TP73: variants seen among roughly 807,000 people sequenced by gnomAD.
TP73 encodes the protein tumor protein p73.
In TP73, 25 loss-of-function variants were observed where a neutral mutation model predicts 62.5. The observed-to-expected ratio is 0.40, with a 90% confidence interval of 0.29 to 0.56. The LOEUF (loss-of-function observed/expected upper bound fraction) is 0.56, where lower values mean the gene tolerates loss of function less well. Among genes scored for constraint, TP73 ranks in the 20% least tolerant of loss-of-function variants. The pLI is 0.46. For missense variants in TP73, 754 were observed against 913.3 expected, an observed-to-expected ratio of 0.83 and a Z score of 2.25; for synonymous variants, 423 against 377.5, an observed-to-expected ratio of 1.12 and a Z score of -1.40.
intron 13 of TP73, among the ~76,000 whole-genome samples, chr1:3,732,092 GGT>G (rs1417571221): frequency 2.0e-5 from 3 of 152,186 alleles, no homozygotes; most frequent in African/African-American, 7.2e-5. Flanking sequence ...AGCCTAGGAC[GGT>G]GTGAACCACA....
chr1:3,727,998 G>C (rs78404711), intron 8 of TP73, 131 bp from the exon 9 acceptor site: 26,280 of 1,192,186 alleles, frequency 0.022, 382 homozygotes, highest in Non-Finnish European at 0.027. Context: ...CGTCCCTGTG[G>C]GTTGCTCACC....
In TP73 at chr1:3,657,590, G is replaced by A. The variant is rs528119641; in HGVS notation, c.-34+4949G>A. 8.7e-4 allele frequency among the ~76,000 whole-genome samples: 132 copies of A among 152,294 alleles called. 1 individual carries two copies. In the South Asian group the frequency reaches 0.014, roughly 16 times the overall value. ...AGTAACTCGTGATCCTGTGTATTTT[G>A]CTTCATGTATTTAAAACATTCTCCC... On this transcript the variant is annotated intron_variant, in intron 1 of 13. Transcript: ENST00000378295.
At chr1:3,656,210 A>G (rs2181484) in intron 1 of TP73, among the ~76,000 whole-genome samples, 114,573 of 151,696 alleles carry the variant, frequency 0.76, 45,691 homozygotes, top group Non-Finnish European at 0.89. Flanking sequence ...GCTCATTGGC[A>G]TTTGAGTGTA....
chr1:3,673,102 G>A lies in TP73; in HGVS notation c.-33-9231G>A, dbSNP rs77741698. ...TGCCCCCGGGCATGGAGCTGGCACC[G>A]GCTGCCGCTGCAACTGGGCACTACC... On this transcript the variant is annotated intron_variant, in intron 1 of 13. Coordinates refer to ENST00000378295, the MANE Select transcript of TP73 (RefSeq NM_005427.4). 2.1e-3 allele frequency among the ~76,000 whole-genome samples: 326 copies of A among 152,348 alleles called. 13 individuals are homozygous for A. The East Asian group carries it at 0.058, about 27-fold the overall frequency.
intron 1 of TP73, among the ~76,000 whole-genome samples, chr1:3,673,690 A>G (rs1645295488): frequency 1.3e-5 from 2 of 152,338 alleles, no homozygotes; most frequent in South Asian, 4.1e-4. Flanking sequence ...GGCAGGAATC[A>G]TGTGTCTTGG....
At position 3,653,835 on chromosome 1, in the gene TP73, C is replaced by T. The variant is rs192434356; in HGVS notation, c.-34+1194C>T. 1.5e-3 allele frequency among the ~76,000 whole-genome samples: 227 copies of T among 152,230 alleles called. 3 individuals are homozygous for T. The Middle Eastern group carries it at 0.034, about 23-fold the overall frequency. On this transcript the variant is annotated intron_variant, in intron 1 of 13. Transcript: ENST00000378295. ...ACAGGACACGGTGTTTGAAATGTTG[C>T]CATATATGAATGTATGCATTACGTA... is the stretch of plus-strand genomic sequence containing the variant.
intron 3 of TP73, among the ~76,000 whole-genome samples, chr1:3,693,538 G>A (rs911362026): frequency 6.6e-6 from 1 of 152,136 alleles, no homozygotes; most frequent in African/African-American, 2.4e-5. Context: ...CAGTGACGCC[G>A]CTCTCTGAGC....
chr1:3,725,287 C>A (rs1189541946), intron 6 of TP73, among the ~76,000 whole-genome samples: 1 of 151,798 alleles, frequency 6.6e-6, no homozygotes, highest in Non-Finnish European at 1.5e-5. Flanking sequence ...AGAGCAGAGA[C>A]CAGGTCTGAG....
At chr1:3,692,178 G>A (rs953278357) in intron 3 of TP73, among the ~76,000 whole-genome samples, 3 of 152,114 alleles carry the variant, frequency 2.0e-5, no homozygotes, top group African/African-American at 7.2e-5. Flanking sequence ...TGGGTGGGTA[G>A]GTGCTCACGT....
chr1:3,676,426 C>T (rs1570409726), intron 1 of TP73, among the ~76,000 whole-genome samples: 1 of 97,716 alleles, frequency 1.0e-5, no homozygotes, highest in African/African-American at 4.2e-5. Flanking sequence ...GACAGGGGGA[C>T]AGGGAGAGGA....
At chr1:3,693,969 G>A (rs374554969) in intron 3 of TP73, among the ~76,000 whole-genome samples, 1 of 10,576 alleles carries the variant, frequency 9.5e-5, no homozygotes. Context: ...CCCTCCTCCC[G>A]CAATCCCAGC....
chr1:3,674,357 G>A (rs763633134), intron 1 of TP73, among the ~76,000 whole-genome samples: 7 of 152,200 alleles, frequency 4.6e-5, no homozygotes, highest in South Asian at 2.1e-4. Context: ...TATTTCACAC[G>A]GTGCACGCTA....
chr1:3,727,799 C>T (rs1178987702), intron 8 of TP73, 29 bp downstream of exon 8: 10 of 1,505,850 alleles, frequency 6.6e-6, no homozygotes, highest in South Asian at 6.4e-5. Flanking sequence ...GAACTGGACG[C>T]GTGTGGGAGG....
chr1:3,680,471 G>T (rs557376086), intron 1 of TP73, among the ~76,000 whole-genome samples: 1 of 152,230 alleles, frequency 6.6e-6, no homozygotes, highest in South Asian at 2.1e-4. Flanking sequence ...GGCCTCTGGC[G>T]GCAAAACCTT....
intron 3 of TP73, among the ~76,000 whole-genome samples, chr1:3,689,098 A>G (rs774820790): frequency 1.7e-4 from 26 of 152,014 alleles, no homozygotes; most frequent in Non-Finnish European, 3.2e-4. Flanking sequence ...GCCCGCCCCC[A>G]ACCCAAGAGG....
chr1:3,713,226 C>T (rs998858520), intron 4 of TP73, among the ~76,000 whole-genome samples: 8 of 152,218 alleles, frequency 5.3e-5, no homozygotes, highest in South Asian at 2.1e-4. Flanking sequence ...CCCTCAAGAA[C>T]GCTTTATCAC....
At chr1:3,712,018 C>A (rs1640194620) in intron 4 of TP73, among the ~76,000 whole-genome samples, 1 of 152,156 alleles carries the variant, frequency 6.6e-6, no homozygotes, top group Non-Finnish European at 1.5e-5. Flanking sequence ...TGAGTCAACA[C>A]TAATGGGTCT....
In TP73 at chr1:3,719,152, C is replaced by T. The variant is rs377651261; in HGVS notation, c.430-2869C>T. Among the ~76,000 whole-genome samples the T allele has an allele frequency of 5.3e-3, 800 of 152,286 alleles. 9 individuals are homozygous for T. The highest frequency in any genetic ancestry group is 0.018 in the African/African-American group (752 of 41,562). ...CTGTTTCAAGGGGGGTCTGCCGCGC[C>T]CTCCCTGCTCTGTGGTTTCCCTAGG... On this transcript the variant is annotated intron_variant, in intron 4 of 13. Coordinates refer to ENST00000378295, the MANE Select transcript of TP73 (RefSeq NM_005427.4).
intron 1 of TP73, among the ~76,000 whole-genome samples, chr1:3,661,257 G>C (rs1266834732): frequency 6.6e-6 from 1 of 152,196 alleles, no homozygotes; most frequent in East Asian, 1.9e-4. Context: ...ACTTAATTTA[G>C]AGTGTGTGAT....
Sources: gnomAD v4.1 joint callset for allele counts (sites outside exome capture counted in the v4.1 genomes callset) on GRCh38, gnomAD v4.1.1 for gene constraint, MANE v1.5 for transcripts, NCBI Gene and HGNC (gene_info 2026-07-23, HGNC 2026-07-21) for gene names.